The following CDH13 variants were observed in gnomAD, a reference collection of about 807,000 sequenced individuals.
CDH13 encodes cadherin-13.
In CDH13, 24 loss-of-function variants were observed where a neutral mutation model predicts 63.8. The ratio of observed to expected loss-of-function variants is 0.38; its 90% CI spans 0.27 to 0.53. The LOEUF (loss-of-function observed/expected upper bound fraction) is 0.53. Ranked by LOEUF, CDH13 falls within the 20% of genes least tolerant of loss-of-function variation. The pLI is 0.85. For synonymous variants in CDH13, 503 were observed against 355.3 expected (o/e 1.42, Z -4.67); for missense variants, 1,049 against 903.1 (o/e 1.16, Z -2.07).
At chr16:83,395,607 T>G (rs1211664370) in intron 6 of CDH13, among the ~76,000 whole-genome samples, 1 of 152,164 alleles carries the variant, frequency 6.6e-6, no homozygotes, top group Non-Finnish European at 1.5e-5. Context: ...TGTTGAAGTT[T>G]TCCTTCAGCC....
At chr16:82,677,488 C>T (rs1160326984) in intron 1 of CDH13, among the ~76,000 whole-genome samples, 1 of 142,446 alleles carries the variant, frequency 7.0e-6, no homozygotes, top group Non-Finnish European at 1.5e-5. Context: ...TATGAAATCC[C>T]CACTGCTGAG....
intron 4 of CDH13, among the ~76,000 whole-genome samples, chr16:83,186,314 C>G (rs1407739350): frequency 6.6e-6 from 1 of 151,286 alleles, no homozygotes; most frequent in African/African-American, 2.4e-5. Context: ...AATTTTTGTA[C>G]TTTTAGTAGA....
At chr16:82,787,422 C>T (rs1217940251) in intron 1 of CDH13, among the ~76,000 whole-genome samples, 1 of 152,072 alleles carries the variant, frequency 6.6e-6, no homozygotes, top group Non-Finnish European at 1.5e-5. Flanking sequence ...AAGAAATTTC[C>T]GTCACAGAAG....
chr16:83,342,138 G>A (rs13337699), intron 5 of CDH13, among the ~76,000 whole-genome samples: 62,430 of 151,808 alleles, frequency 0.41, 12,975 homozygotes, highest in Admixed American at 0.47. Flanking sequence ...AACGTTCCTA[G>A]TTTGACTGGA....
At chr16:83,080,432 C>G (rs2033151100) in intron 3 of CDH13, among the ~76,000 whole-genome samples, 1 of 152,220 alleles carries the variant, frequency 6.6e-6, no homozygotes, top group Admixed American at 6.5e-5. Context: ...CAACTACGTT[C>G]TATCCTCCTC....
intron 4 of CDH13, among the ~76,000 whole-genome samples, chr16:83,149,210 A>C (rs1273991105): frequency 6.6e-6 from 1 of 152,226 alleles, no homozygotes; most frequent in East Asian, 1.9e-4. Flanking sequence ...ATAGTAAATC[A>C]TGCTAATGAC....
At chr16:83,280,909 G>C (rs573814453) in intron 5 of CDH13, among the ~76,000 whole-genome samples, 26 of 152,286 alleles carry the variant, frequency 1.7e-4, no homozygotes, top group Middle Eastern at 6.8e-3. Flanking sequence ...CTGAGCAGTG[G>C]GCTCAAAATA....
intron 4 of CDH13, among the ~76,000 whole-genome samples, chr16:83,184,083 A>G (rs1351024584): frequency 7.7e-6 from 1 of 130,220 alleles, no homozygotes; most frequent in Non-Finnish European, 1.6e-5. Flanking sequence ...TAGCCTCTAG[A>G]GGTTAAACAC....
rs150896768 is a variant in CDH13, at chr16:82,915,709, G to C, written c.157+57236G>C. Among the ~76,000 whole-genome samples the C allele has an allele frequency of 3.9e-3, 598 of 151,912 alleles. 2 individuals are homozygous for C. Among genetic ancestry groups the C allele is most frequent in the African/African-American group, 0.014 (563 of 41,398 alleles). On this transcript the variant is annotated intron_variant, in intron 2 of 13. Transcript: ENST00000567109. Reference sequence around the variant, plus strand: ...AGGGGTCCTGTGAGTTTTGATGATTGTCTCTCTTAGACATGCTGGTAATAC... The same window carrying C: ...AGGGGTCCTGTGAGTTTTGATGATTCTCTCTCTTAGACATGCTGGTAATAC...
intron 6 of CDH13, among the ~76,000 whole-genome samples, chr16:83,442,882 A>G (rs745629565): frequency 6.6e-6 from 1 of 152,274 alleles, no homozygotes; most frequent in Non-Finnish European, 1.5e-5. Flanking sequence ...TTATTTTGTC[A>G]AATGCTATTA....
At chr16:82,754,820 A>G (rs574446628) in intron 1 of CDH13, among the ~76,000 whole-genome samples, 1 of 152,212 alleles carries the variant, frequency 6.6e-6, no homozygotes, top group Non-Finnish European at 1.5e-5. Flanking sequence ...ATACAAAAAA[A>G]TCCAAACCTT....
intron 8 of CDH13, among the ~76,000 whole-genome samples, chr16:83,662,752 A>G (rs1208413123): frequency 2.6e-5 from 4 of 152,246 alleles, no homozygotes; most frequent in Non-Finnish European, 5.9e-5. Context: ...TGAGATCAGT[A>G]GACATCTTCA....
chr16:83,554,587 G>A (rs189688038), intron 7 of CDH13, among the ~76,000 whole-genome samples: 21 of 151,980 alleles, frequency 1.4e-4, no homozygotes, highest in African/African-American at 1.9e-4. Context: ...TTATGAAGAG[G>A]GGAGTCTCAC....
intron 3 of CDH13, among the ~76,000 whole-genome samples, chr16:83,096,980 G>A (rs2034235655): frequency 6.6e-6 from 1 of 152,026 alleles, no homozygotes; most frequent in Non-Finnish European, 1.5e-5. Context: ...TCTTGGTCCT[G>A]TCCTTTGAAT....
At chr16:83,080,871 G>GTTTTTTTTT (rs71148809) in intron 3 of CDH13, among the ~76,000 whole-genome samples, 989 of 46,922 alleles carry the variant, frequency 0.021, 213 homozygotes, top group East Asian at 0.098. Flanking sequence ...TTGTTTTTGT[G>GTTTTTTTTT]TTTTTTTTTT....
At chr16:82,669,179 A>G (rs1027841881) in intron 1 of CDH13, among the ~76,000 whole-genome samples, 1 of 152,128 alleles carries the variant, frequency 6.6e-6, no homozygotes, top group African/African-American at 2.4e-5. Context: ...ACCATCGGAA[A>G]CCTCTTGAGG....
chr16:83,380,045 T>A (rs1040739540), intron 6 of CDH13, among the ~76,000 whole-genome samples: 1 of 151,342 alleles, frequency 6.6e-6, no homozygotes, highest in Non-Finnish European at 1.5e-5. Context: ...AACATATACA[T>A]AAAATATACC....
chr16:83,140,058 G>C (rs1008689588), intron 4 of CDH13, among the ~76,000 whole-genome samples: 2 of 152,140 alleles, frequency 1.3e-5, no homozygotes, highest in African/African-American at 4.8e-5. Context: ...GTAGACATCC[G>C]AGGGTTTTAC....
intron 2 of CDH13, among the ~76,000 whole-genome samples, chr16:83,013,014 CTG>C (rs1200292011): frequency 2.0e-5 from 3 of 152,200 alleles, no homozygotes; most frequent in Admixed American, 6.5e-5. Context: ...GCAGAATACA[CTG>C]TGGATGAGTT....
Sources: allele counts gnomAD v4.1 joint callset (sites outside exome capture counted in the v4.1 genomes callset), GRCh38; gene constraint gnomAD v4.1.1; transcripts MANE v1.5; gene names NCBI Gene and HGNC (gene_info 2026-07-23, HGNC 2026-07-21).